CELF4: variants seen among roughly 807,000 people sequenced by gnomAD.
The protein encoded by CELF4 is CUG-BP- and ETR-3-like factor 4.
In CELF4, 18 loss-of-function variants were observed where a neutral mutation model predicts 59.9. The observed-to-expected ratio is 0.30, with a 90% confidence interval of 0.21 to 0.45. CELF4 has a LOEUF of 0.45. CELF4 is among the 20% of genes least tolerant of loss of function. CELF4 has a pLI of 1.00. For missense variants in CELF4, 456 were observed against 689.0 expected (o/e 0.66, Z 3.79); for synonymous variants, 261 against 267.1 (o/e 0.98, Z 0.22).
chr18:37,507,793 C>T (rs1356943190), intron 1 of CELF4, among the ~76,000 whole-genome samples: 1 of 152,212 alleles, frequency 6.6e-6, no homozygotes, highest in Non-Finnish European at 1.5e-5. Flanking sequence ...ACCTGCTGAA[C>T]ACAATGCCTG....
intron 2 of CELF4, among the ~76,000 whole-genome samples, chr18:37,429,231 T>G (rs973606528): frequency 6.6e-6 from 1 of 152,216 alleles, no homozygotes; most frequent in African/African-American, 2.4e-5. Flanking sequence ...ACAACCTACC[T>G]TCTCTGGTTA....
At chr18:37,277,836 G>A (rs993431933) in intron 3 of CELF4, among the ~76,000 whole-genome samples, 5 of 151,960 alleles carry the variant, frequency 3.3e-5, no homozygotes, top group Admixed American at 3.3e-4. Context: ...CTTAGAAATG[G>A]AACCCCGCCC....
intron 1 of CELF4, among the ~76,000 whole-genome samples, chr18:37,496,761 T>C (rs1225580267): frequency 6.6e-6 from 1 of 152,228 alleles, no homozygotes; most frequent in Non-Finnish European, 1.5e-5. Context: ...TTTAAGCCAC[T>C]GTTCTGGCCG....
intron 2 of CELF4, among the ~76,000 whole-genome samples, chr18:37,397,896 C>A (rs1024114689): frequency 1.3e-5 from 2 of 152,120 alleles, no homozygotes; most frequent in Admixed American, 1.3e-4. Context: ...CAAGGGGGTG[C>A]GGATCCTTGG....
intron 3 of CELF4, among the ~76,000 whole-genome samples, chr18:37,302,905 G>T (rs960547138): frequency 6.6e-6 from 1 of 152,110 alleles, no homozygotes; most frequent in Non-Finnish European, 1.5e-5. Context: ...AGCACAGGCT[G>T]TCTGAGGGAC....
chr18:37,309,145 A>C (rs991846885), intron 3 of CELF4, among the ~76,000 whole-genome samples: 1 of 152,186 alleles, frequency 6.6e-6, no homozygotes, highest in Non-Finnish European at 1.5e-5. Flanking sequence ...ACCCATCCTC[A>C]TCCTTAATGG....
intron 1 of CELF4, among the ~76,000 whole-genome samples, chr18:37,552,243 G>C (rs1297347833): frequency 5.3e-5 from 8 of 152,248 alleles, no homozygotes; most frequent in African/African-American, 1.9e-4. Flanking sequence ...CCCCCACCTT[G>C]TCGGAACAGA....
chr18:37,440,490 A>C (rs1424175767), intron 2 of CELF4, among the ~76,000 whole-genome samples: 1 of 152,186 alleles, frequency 6.6e-6, no homozygotes, highest in Non-Finnish European at 1.5e-5. Flanking sequence ...TCTGAGGAGC[A>C]TTTCCTCCAT....
At chr18:37,535,293 C>A (rs1054067983) in intron 1 of CELF4, among the ~76,000 whole-genome samples, 6 of 152,122 alleles carry the variant, frequency 3.9e-5, no homozygotes, top group Non-Finnish European at 7.4e-5. Flanking sequence ...ACCTTATTGG[C>A]GTTATTTATT....
At chr18:37,550,691 G>A (rs149781393) in intron 1 of CELF4, among the ~76,000 whole-genome samples, 3 of 152,356 alleles carry the variant, frequency 2.0e-5, no homozygotes, top group African/African-American at 7.2e-5. Context: ...CTGCAGCAGG[G>A]GAGGTGGAGT....
chr18:37,439,421 G>A (rs1448515456), intron 2 of CELF4, among the ~76,000 whole-genome samples: 1 of 152,154 alleles, frequency 6.6e-6, no homozygotes, highest in Admixed American at 6.5e-5. Context: ...GCATGCATGT[G>A]TGTGTGTGCA....
intron 2 of CELF4, among the ~76,000 whole-genome samples, chr18:37,413,692 A>G (rs1286238291): frequency 6.6e-6 from 1 of 152,198 alleles, no homozygotes; most frequent in Non-Finnish European, 1.5e-5. Context: ...ATTTCTTGGC[A>G]GAATCAGAAT....
At chr18:37,481,274 C>T (rs1048217256) in intron 2 of CELF4, among the ~76,000 whole-genome samples, 11 of 152,190 alleles carry the variant, frequency 7.2e-5, no homozygotes, top group African/African-American at 2.4e-4. Context: ...CCCCCACCCC[C>T]ATCCCTGACC....
intron 2 of CELF4, among the ~76,000 whole-genome samples, chr18:37,369,158 T>A (rs540775757): frequency 3.3e-5 from 5 of 152,324 alleles, no homozygotes; most frequent in African/African-American, 1.2e-4. Context: ...CTCTTTTTCC[T>A]TTCCGTATCT....
intron 2 of CELF4, among the ~76,000 whole-genome samples, chr18:37,409,235 T>C (rs2099414174): frequency 6.6e-6 from 1 of 152,198 alleles, no homozygotes; most frequent in African/African-American, 2.4e-5. Flanking sequence ...ATGGGTTTGG[T>C]GCCTCTTGCC....
At chr18:37,297,457 C>T (rs1461096505) in intron 3 of CELF4, among the ~76,000 whole-genome samples, 5 of 152,224 alleles carry the variant, frequency 3.3e-5, no homozygotes, top group African/African-American at 7.2e-5. Context: ...TGACAAGGTG[C>T]GGGACCACTG....
At chr18:37,462,478 A>G (rs1404548939) in intron 2 of CELF4, among the ~76,000 whole-genome samples, 1 of 152,092 alleles carries the variant, frequency 6.6e-6, no homozygotes, top group South Asian at 2.1e-4. Flanking sequence ...TCCCTGGTGG[A>G]TGCACCCTGA....
intron 3 of CELF4, among the ~76,000 whole-genome samples, chr18:37,292,778 T>C (rs7241842): frequency 0.73 from 111,858 of 152,212 alleles, 42,054 homozygotes; most frequent in African/African-American, 0.9. Context: ...CGCTGCAAGG[T>C]GATTTTGCAA....
chr18:37,430,519 G>A (rs2099642578), intron 2 of CELF4, among the ~76,000 whole-genome samples: 1 of 152,182 alleles, frequency 6.6e-6, no homozygotes. Context: ...GCAGTAACAG[G>A]CTAGAGCCTG....
Sources: gnomAD v4.1 joint callset for allele counts (sites outside exome capture counted in the v4.1 genomes callset) on GRCh38, gnomAD v4.1.1 for gene constraint, MANE v1.5 for transcripts, NCBI Gene and HGNC (gene_info 2026-07-23, HGNC 2026-07-21) for gene names.